Variants in LIMCH1 observed in about 807,000 individuals in gnomAD.
The protein encoded by LIMCH1 is LIM and calponin homology domains-containing protein 1.
In LIMCH1, 113 loss-of-function variants were observed where a neutral mutation model predicts 176.5. That is an observed-to-expected ratio of 0.64 (90% CI 0.55 to 0.75). The LOEUF (loss-of-function observed/expected upper bound fraction) is 0.75. Among genes scored for constraint, LIMCH1 ranks in the 30% least tolerant of loss-of-function variants. LIMCH1 has a pLI of 0.00. For synonymous variants in LIMCH1, 619 were observed against 645.9 expected (o/e 0.96, Z 0.63); for missense variants, 1,674 against 1,814.9 (o/e 0.92, Z 1.41).
chr4:41,670,048 A>G (rs965789595), intron 21 of LIMCH1, among the ~76,000 whole-genome samples: 3 of 152,206 alleles, frequency 2.0e-5, no homozygotes, highest in Admixed American at 6.5e-5. Context: ...TGCCCTGAAA[A>G]CAGTCATAAA....
rs1173998014 is a variant in LIMCH1 at position 41,692,326 on chromosome 4, G to T, written c.4320G>T (p.Thr1440=). 6.2e-7 allele frequency: 1 copy of T among 1,613,506 alleles called. No homozygotes were observed. The highest frequency in any genetic ancestry group is 8.5e-7 in the Non-Finnish European group (1 of 1,179,548). The change falls in exon 31 of 32, where the codon ACG becomes ACT. Residue 1440 remains threonine, a synonymous_variant. Transcript: ENST00000503057. ...AGCTTGGAGATGCAGTGAGTGGGAC[G>T]GATGTTAGGATTCGAAATGGTCTCC... ...KGQLGDAVSG[T]DVRIRNGLLN... is the part of the protein sequence containing the mutation.
intron 1 of LIMCH1, among the ~76,000 whole-genome samples, chr4:41,368,328 C>T (rs1277378632): frequency 6.6e-6 from 1 of 152,142 alleles, no homozygotes; most frequent in Non-Finnish European, 1.5e-5. Context: ...CAACAATGTG[C>T]AGCATAGTGT....
At chr4:41,438,622 A>G (rs1582172875) in intron 1 of LIMCH1, among the ~76,000 whole-genome samples, 1 of 152,012 alleles carries the variant, frequency 6.6e-6, no homozygotes, top group African/African-American at 2.4e-5. Flanking sequence ...TACCAGCGTG[A>G]GCCACTGCGC....
At position 41,598,985 on chromosome 4, in the gene LIMCH1, C is replaced by T. The variant is rs752641062; in HGVS notation, c.-175C>T. ...GCCTTAAAGAATCTCAACTTTTTGA[C>T]CCGAGTGACCTCCAGGATACATCCA... On this transcript the variant is annotated 5_prime_UTR_variant, in exon 2 of 32. Transcript: ENST00000503057. 5 of 1,611,948 alleles carry T rather than the reference C, an allele frequency of 3.1e-6. No homozygotes were observed. Among genetic ancestry groups the T allele is most frequent in the African/African-American group, 1.3e-5 (1 of 74,822 alleles).
intron 1 of LIMCH1, among the ~76,000 whole-genome samples, chr4:41,388,894 C>T (rs948784843): frequency 1.3e-5 from 2 of 152,212 alleles, no homozygotes; most frequent in Non-Finnish European, 2.9e-5. Flanking sequence ...CCACCCGCCT[C>T]GGCCTCCCAA....
At chr4:41,524,267 T>C (rs1231156200) in intron 2 of LIMCH1, 3 of 698,242 alleles carry the variant, frequency 4.3e-6, no homozygotes, top group East Asian at 2.7e-5. Flanking sequence ...GCATGAAGGC[T>C]GATAGATTAT....
intron 1 of LIMCH1, among the ~76,000 whole-genome samples, chr4:41,595,688 C>A (rs776107830): frequency 3.9e-5 from 6 of 152,184 alleles, no homozygotes; most frequent in Non-Finnish European, 1.5e-5. Flanking sequence ...CCATAATGGT[C>A]TGATATCTAC....
At chr4:41,673,922 A>G (rs756495543) in intron 22 of LIMCH1, among the ~76,000 whole-genome samples, 9 of 152,048 alleles carry the variant, frequency 5.9e-5, no homozygotes, top group Non-Finnish European at 1.2e-4. Context: ...TCATATGCAT[A>G]TATTGGTCAC....
rs1412270423 is a variant in LIMCH1 at position 41,619,267 on chromosome 4, G to T, written c.285G>T (p.Arg95=). 6.2e-7 allele frequency: 1 copy of T among 1,614,206 alleles called. No homozygotes were observed. The highest frequency in any genetic ancestry group is 1.3e-5 in the African/African-American group (1 of 75,038). Residue 95 remains arginine (R), a synonymous_variant, in exon 6 of 32, where the codon CGG becomes CGT. Coordinates refer to ENST00000503057, the MANE Select transcript of LIMCH1 (RefSeq NM_001330672.2). ...DVKKDDMSAR[R]TSHGEPKSAV... ...AGAAGGATGACATGTCTGCACGGCG[G>T]ACTTCCCATGGTGAGCCGAAATCAG...
In LIMCH1 at chr4:41,581,116, A is replaced by G. The variant is rs4496615; in HGVS notation, c.-240-17804A>G. ...TGTCCATTCATCTGTCTGTCTGTCT[A>G]TCTATCTATCTATCTATCTATCTAT... On this transcript the variant is annotated intron_variant, in intron 1 of 31. Transcript: ENST00000503057. 2.2e-3 allele frequency among the ~76,000 whole-genome samples: 278 copies of G among 125,964 alleles called. 1 individual carries two copies. The highest frequency in any genetic ancestry group is 6.9e-3 in the South Asian group (26 of 3,782). 82.6% of individuals were successfully genotyped at this position (125,964 alleles called of 152,430 possible).
chr4:41,697,485 G>A lies in LIMCH1; in HGVS notation c.*300G>A. 2 of 357,744 alleles carry A rather than the reference G, an allele frequency of 5.6e-6. No individual in the cohort carries two copies. The highest frequency in any genetic ancestry group is 5.0e-6 in the Non-Finnish European group (1 of 199,870). 22.2% of individuals were successfully genotyped at this position (357,744 alleles called of 1,614,324 possible). A position where few individuals can be genotyped will look rare whatever the true frequency, so the allele number is the denominator to read the frequency against. On this transcript the variant is annotated 3_prime_UTR_variant, in exon 32 of 32. Coordinates refer to ENST00000503057, the MANE Select transcript of LIMCH1 (RefSeq NM_001330672.2). ...GTCAAACAGGCTTATGGTTTAAAATGTGTTATTCTCTTCTTTGGGAATTAG... is the reference window on the plus strand; with the variant it reads ...GTCAAACAGGCTTATGGTTTAAAATATGTTATTCTCTTCTTTGGGAATTAG...
intron 1 of LIMCH1, among the ~76,000 whole-genome samples, chr4:41,564,327 G>T (rs2082436049): frequency 6.6e-6 from 1 of 152,050 alleles, no homozygotes; most frequent in African/African-American, 2.4e-5. Context: ...TCACATTGAG[G>T]CTATTTCAGG....
At chr4:41,646,926 C>G (rs755806493) in intron 17 of LIMCH1, 33 bp downstream of exon 17, 2 of 1,569,322 alleles carry the variant, frequency 1.3e-6, no homozygotes, top group African/African-American at 2.7e-5. Context: ...AGAACCAAAG[C>G]TGAACTCCAG....
intron 29 of LIMCH1, 62 bp downstream of exon 29, chr4:41,687,979 C>T (rs752711078): frequency 2.3e-6 from 3 of 1,308,954 alleles, no homozygotes; most frequent in African/African-American, 1.5e-5. Context: ...TGCCAAGCAT[C>T]ATTTCAACTG....
chr4:41,635,662 A>T (rs145541460), intron 13 of LIMCH1, among the ~76,000 whole-genome samples: 1 of 152,236 alleles, frequency 6.6e-6, no homozygotes, highest in Non-Finnish European at 1.5e-5. Context: ...CACTGTCGGT[A>T]TGCACATTTC....
intron 2 of LIMCH1, among the ~76,000 whole-genome samples, chr4:41,503,265 CG>C (rs1281591087): frequency 6.6e-6 from 1 of 152,070 alleles, no homozygotes; most frequent in Non-Finnish European, 1.5e-5. Flanking sequence ...CGGAATTAAC[CG>C]AATGGCCAGG....
chr4:41,402,304 A>G (rs112301220), intron 1 of LIMCH1, among the ~76,000 whole-genome samples: 16,022 of 150,552 alleles, frequency 0.11, 814 homozygotes, highest in African/African-American at 0.19. Context: ...TAGAATGGCA[A>G]TCATTAAAAA....
chr4:41,680,721 T>C (rs1410105606), intron 24 of LIMCH1, among the ~76,000 whole-genome samples: 1 of 152,244 alleles, frequency 6.6e-6, no homozygotes, highest in South Asian at 2.1e-4. Context: ...TGTATTACTC[T>C]AACTAATTAA....
upstream of LIMCH1, chr4:41,360,645 C>T (rs919925812): frequency 4.5e-4 from 136 of 300,976 alleles, no homozygotes; most frequent in Middle Eastern, 2.9e-3. The surrounding 1 kb of genome is among the most constrained non-coding windows in gnomAD (Gnocchi z 4.5). Context: ...CGCGTTGGAG[C>T]CCGGGCGGCG....
Sources: gnomAD v4.1 joint callset for allele counts (sites outside exome capture counted in the v4.1 genomes callset) on GRCh38, gnomAD v4.1.1 for gene constraint, Gnocchi (gnomAD v3.1) non-coding constraint, MANE v1.5 for transcripts, NCBI Gene and HGNC (gene_info 2026-07-23, HGNC 2026-07-21) for gene names.